Variants in SPEF2 observed in about 807,000 individuals in gnomAD.
The protein encoded by SPEF2 is sperm flagella and cilia-associated protein 2.
SPEF2 carries 187 observed loss-of-function variants against 224.6 expected under a neutral mutation model. The ratio of observed to expected loss-of-function variants is 0.83; its 90% CI spans 0.74 to 0.94. SPEF2 has a LOEUF of 0.94. SPEF2 is among the 40% of genes least tolerant of loss of function. The pLI, the probability that SPEF2 is intolerant of heterozygous loss-of-function variation, is 0.00. For missense variants in SPEF2, 2,170 were observed against 2,135.6 expected (o/e 1.02, Z -0.32); for synonymous variants, 715 against 707.3 (o/e 1.01, Z -0.17).
At chr5:35,737,563 A>G (rs1746832861) in intron 21 of SPEF2, among the ~76,000 whole-genome samples, 1 of 152,070 alleles carries the variant, frequency 6.6e-6, no homozygotes. Context: ...TTATGTCTGC[A>G]TAGTATTCCA....
At chr5:35,803,898 C>T (rs565352923) in intron 34 of SPEF2, among the ~76,000 whole-genome samples, 1 of 152,348 alleles carries the variant, frequency 6.6e-6, no homozygotes, top group East Asian at 1.9e-4. Context: ...CTTAAAGCCA[C>T]AGCTTCTTGG....
At chr5:35,784,768 G>A (rs1370603433) in intron 30 of SPEF2, among the ~76,000 whole-genome samples, 3 of 152,038 alleles carry the variant, frequency 2.0e-5, no homozygotes, top group African/African-American at 7.2e-5. Context: ...GTCTCCAGTG[G>A]CTTGCAAAGA....
intron 2 of SPEF2, among the ~76,000 whole-genome samples, chr5:35,638,240 C>G (rs373206352): frequency 6.6e-6 from 1 of 151,980 alleles, no homozygotes; most frequent in African/African-American, 2.4e-5. Flanking sequence ...TTAGACTTCC[C>G]AACATGAAGC....
chr5:35,640,601 T>C (rs992910576), intron 2 of SPEF2, among the ~76,000 whole-genome samples: 1 of 152,226 alleles, frequency 6.6e-6, no homozygotes, highest in African/African-American at 2.4e-5. Context: ...TTTAGTCTCA[T>C]GCTGAGAAGG....
At chr5:35,664,709 AGAGAGAGAGGGAGG>A (rs1561158472) in intron 8 of SPEF2, among the ~76,000 whole-genome samples, 1 of 145,482 alleles carries the variant, frequency 6.9e-6, no homozygotes, top group Admixed American at 6.9e-5. Flanking sequence ...AGAGAGAGAG[AGAGAGAGAGGGAGG>A]GAGAGAGAGG....
At chr5:35,683,631 A>G (rs1753147631) in intron 10 of SPEF2, among the ~76,000 whole-genome samples, 1 of 152,168 alleles carries the variant, frequency 6.6e-6, no homozygotes, top group South Asian at 2.1e-4. Flanking sequence ...TCTCAAAACA[A>G]ACAAACAAGC....
chr5:35,694,998 T>C (rs1325698595), intron 13 of SPEF2, among the ~76,000 whole-genome samples: 2 of 152,158 alleles, frequency 1.3e-5, no homozygotes, highest in African/African-American at 2.4e-5. Context: ...AATAGCTTCC[T>C]CGTATTCTAG....
At chr5:35,748,672 T>C (rs1039405936) in intron 23 of SPEF2, among the ~76,000 whole-genome samples, 2 of 152,120 alleles carry the variant, frequency 1.3e-5, no homozygotes, top group African/African-American at 2.4e-5. Flanking sequence ...GAGATTGAAA[T>C]GGTAATTTAA....
intron 6 of SPEF2, among the ~76,000 whole-genome samples, chr5:35,652,581 T>C (rs938402369): frequency 6.6e-6 from 1 of 152,148 alleles, no homozygotes; most frequent in African/African-American, 2.4e-5. Context: ...TTAGTTTGAT[T>C]TTTATGTATG....
intron 2 of SPEF2, among the ~76,000 whole-genome samples, chr5:35,632,741 T>C (rs112070029): frequency 3.7e-4 from 56 of 152,268 alleles, no homozygotes; most frequent in African/African-American, 1.3e-3. Flanking sequence ...ATCACATAAG[T>C]TTTGGTATGT....
intron 10 of SPEF2, among the ~76,000 whole-genome samples, chr5:35,680,776 C>G (rs1201972408): frequency 2.0e-5 from 3 of 152,154 alleles, no homozygotes; most frequent in African/African-American, 7.2e-5. Context: ...ACCCTATGAG[C>G]TGTGAGTTTA....
intron 10 of SPEF2, chr5:35,678,691 G>A (rs1284997227): frequency 6.6e-6 from 1 of 152,216 alleles, no homozygotes; most frequent in Admixed American, 6.5e-5. Context: ...CCAACGCAGA[G>A]CCCATTCCGT....
At chr5:35,784,021 C>A (rs1459886398) in intron 30 of SPEF2, among the ~76,000 whole-genome samples, 3 of 152,096 alleles carry the variant, frequency 2.0e-5, no homozygotes, top group South Asian at 2.1e-4. Flanking sequence ...AATTCTACAC[C>A]CTCTCTTTTT....
rs971626592 is a variant in SPEF2, at chr5:35,705,917, A to G, written c.2665+109A>G. 9.3e-6 allele frequency: 6 copies of G among 648,120 alleles called. No homozygotes were observed. In the South Asian group the frequency reaches 1.3e-4, roughly 14 times the overall value. The allele number at this position is 648,120 out of a possible 1,614,324, so 40.1% of individuals were successfully genotyped here. ...TTGAAAAGTTCTTTCTTATCTTTGG[A>G]TTTATACTATCGACAAATATATTCT... On this transcript the variant is annotated intron_variant, in intron 18 of 36. Coordinates refer to ENST00000356031, the MANE Select transcript of SPEF2 (RefSeq NM_024867.4).
chr5:35,628,432 GT>G (rs1561094065), intron 1 of SPEF2, 27 bp from the exon 2 acceptor site: 1 of 1,469,676 alleles, frequency 6.8e-7, no homozygotes, highest in Admixed American at 1.7e-5. Context: ...TGTATTCATG[GT>G]TTTTATCTCA....
Position 35,727,734 on chromosome 5 carries a change from T to G in SPEF2, c.2974T>G (p.Ser992Ala), listed in dbSNP as rs758660595. ...KVPVKKSPAD[S>A]TDTSPVAIVP... ...ACCAGTAAAGAAATCACCTGCTGAC[T>G]CTACAGATACATCACCTGTTGCAAT... The change falls in exon 21 of 37, where the codon TCT becomes GCT. Residue 992 changes from serine (S) to alanine (A), a missense_variant. Physicochemically the swap from Ser to Ala is moderately conservative, Grantham distance 99 (BLOSUM62 1). Coordinates refer to ENST00000356031, the MANE Select transcript of SPEF2 (RefSeq NM_024867.4). The G allele has an allele frequency of 1.9e-6, 3 of 1,613,830 alleles. No homozygotes were observed. Among genetic ancestry groups the G allele is most frequent in the Non-Finnish European group, 2.5e-6 (3 of 1,179,832 alleles).
chr5:35,799,460 G>A (rs541720291), intron 33 of SPEF2, among the ~76,000 whole-genome samples: 1 of 152,304 alleles, frequency 6.6e-6, no homozygotes, highest in South Asian at 2.1e-4. Flanking sequence ...AAGTCAACTA[G>A]GGTCAGTAGC....
chr5:35,700,584 T>A lies in SPEF2; in HGVS notation c.2230T>A (p.Cys744Ser), dbSNP rs368390163. ...GCTTCTGGAAGAAGCTCTTACAGGC[T>A]GCAATAGAAACCTCACAGAAGTGGA... ...AQLLEEALTG[C>S]NRNLTEVERK... The change falls in exon 16 of 37, where the codon TGC becomes AGC. Residue 744 changes from cysteine (C) to serine (S), a missense_variant. Coordinates refer to ENST00000356031, the MANE Select transcript of SPEF2 (RefSeq NM_024867.4). The A allele has an allele frequency of 1.2e-6, 2 of 1,613,890 alleles. No individual in the cohort carries two copies. Among genetic ancestry groups the A allele is most frequent in the Non-Finnish European group, 1.7e-6 (2 of 1,179,956 alleles).
At chr5:35,665,335 TG>T (rs1322023421) in intron 8 of SPEF2, among the ~76,000 whole-genome samples, 1 of 151,952 alleles carries the variant, frequency 6.6e-6, no homozygotes, top group Non-Finnish European at 1.5e-5. Context: ...CCCACTTAGC[TG>T]TAATGAGACA....
Sources: gnomAD v4.1 joint callset for allele counts (sites outside exome capture counted in the v4.1 genomes callset) on GRCh38, gnomAD v4.1.1 for gene constraint, MANE v1.5 for transcripts, NCBI Gene and HGNC (gene_info 2026-07-23, HGNC 2026-07-21) for gene names.